Variants in ZNRF3 observed in about 807,000 individuals in gnomAD.
ZNRF3 encodes the protein zinc and ring finger 3, also known as E3 ubiquitin-protein ligase ZNRF3.
A neutral mutation model predicts 72.5 loss-of-function variants in ZNRF3; 23 were observed. The ratio of observed to expected loss-of-function variants is 0.32; its 90% confidence interval spans 0.23 to 0.45. The LOEUF (loss-of-function observed/expected upper bound fraction) is 0.45. Ranked by LOEUF, ZNRF3 falls within the 20% of genes least tolerant of loss-of-function variation. The pLI is 1.00. For missense variants in ZNRF3, 1,169 were observed against 1,272.1 expected (o/e 0.92, Z 1.23); for synonymous variants, 610 against 545.3 (o/e 1.12, Z -1.65).
At chr22:29,027,531 G>A (rs1378112564) in intron 2 of ZNRF3, among the ~76,000 whole-genome samples, 1 of 152,050 alleles carries the variant, frequency 6.6e-6, no homozygotes, top group Admixed American at 6.6e-5. Flanking sequence ...TTACAGGCGT[G>A]AGCCACCATG....
intron 2 of ZNRF3, among the ~76,000 whole-genome samples, chr22:29,002,012 C>T (rs1228386132): frequency 6.6e-6 from 1 of 152,198 alleles, no homozygotes; most frequent in Non-Finnish European, 1.5e-5. Flanking sequence ...AAGTGTTCCT[C>T]TCTCTTCATC....
chr22:28,947,332 A>C (rs375096617), intron 1 of ZNRF3, among the ~76,000 whole-genome samples: 14 of 152,286 alleles, frequency 9.2e-5, no homozygotes, highest in African/African-American at 3.4e-4. Context: ...GTTCATGTAC[A>C]GCTTATGGAC....
intron 1 of ZNRF3, among the ~76,000 whole-genome samples, chr22:28,910,335 C>T (rs570753951): frequency 3.1e-4 from 47 of 152,284 alleles, no homozygotes; most frequent in African/African-American, 1.1e-3. Context: ...GCCACCATGC[C>T]CAGCCTCTCC....
chr22:29,025,055 C>T (rs2036604858), intron 2 of ZNRF3: 1 of 147,702 alleles, frequency 6.8e-6, no homozygotes. Context: ...CATCTTCGCT[C>T]ACTACAACCT....
intron 1 of ZNRF3, among the ~76,000 whole-genome samples, chr22:28,984,168 T>TCA (rs2035814461): frequency 1.3e-5 from 2 of 152,188 alleles, no homozygotes; most frequent in Admixed American, 1.3e-4. Flanking sequence ...CATATAAAAT[T>TCA]CACCATTTTA....
chr22:28,912,171 A>G (rs891771147), intron 1 of ZNRF3, among the ~76,000 whole-genome samples: 3 of 152,224 alleles, frequency 2.0e-5, no homozygotes, highest in Admixed American at 6.5e-5. Context: ...TGGAATGTTT[A>G]AAGTAGAAAT....
chr22:28,938,569 A>G (rs763758842), intron 1 of ZNRF3, among the ~76,000 whole-genome samples: 22 of 152,160 alleles, frequency 1.4e-4, no homozygotes, highest in Non-Finnish European at 2.9e-4. Flanking sequence ...AAGTGAGCAA[A>G]AACTTTTGAC....
rs746478979 is a variant in ZNRF3, at chr22:29,042,546, G to C, written c.478G>C (p.Glu160Gln). The change falls in exon 3 of 9, where the codon GAA becomes CAA. Residue 160 changes from glutamate to glutamine, a missense_variant. Around this residue, in one of 2 missense-constraint regions of ZNRF3, gnomAD observed 386 missense variants for 540.7 expected, o/e 0.71. Transcript: ENST00000544604. ...TACTGCAGTCATCTTTGATGTGTCTGAAAACCCAGAAGCTATTGATCAGGT... is the reference window on the plus strand; with the variant it reads ...TACTGCAGTCATCTTTGATGTGTCTCAAAACCCAGAAGCTATTGATCAGGT... ...GATAVIFDVS[E>Q]NPEAIDQLNQ... 1 of 1,613,686 alleles carries C rather than the reference G, an allele frequency of 6.2e-7. No individual in the cohort carries two copies. Among genetic ancestry groups the C allele is most frequent in the Non-Finnish European group, 8.5e-7 (1 of 1,180,024 alleles).
chr22:28,895,787 G>A (rs1184973217), intron 1 of ZNRF3, among the ~76,000 whole-genome samples: 1 of 152,206 alleles, frequency 6.6e-6, no homozygotes, highest in Non-Finnish European at 1.5e-5. Context: ...GTTCTCGGGG[G>A]AGGGGTGGTC....
rs548136306 is a variant in ZNRF3, at chr22:28,967,004, T to TGA, written c.301-20070_301-20069dup. On this transcript the variant is annotated intron_variant, in intron 1 of 8. Transcript: ENST00000544604. ...AAGTGATTCTTCTGCCTCAGCCTCC[T>TGA]GAGTAGCTGGGATTACAGGTGCCTG... Among the ~76,000 whole-genome samples, 127 of 151,484 alleles carry TGA rather than the reference T, an allele frequency of 8.4e-4. 2 individuals carry two copies. The South Asian group carries it at 0.023, about 27-fold the overall frequency.
chr22:28,982,720 C>A (rs5762930), intron 1 of ZNRF3, among the ~76,000 whole-genome samples: 11,007 of 152,056 alleles, frequency 0.072, 921 homozygotes, highest in African/African-American at 0.21. Flanking sequence ...AGGTCAGTTC[C>A]CTAAGAATAT....
rs1290476198 is a variant in ZNRF3 at position 28,883,917 on chromosome 22, G to A, written c.151G>A (p.Gly51Ser). ...GCTGCTGCTGGCGGCCGCGGGGCCC[G>A]GCGCGGCGCGGGCCAAGGAGACGGC... ...LGLLLAAAGP[G>S]AARAKETAFV... Residue 51 changes from glycine to serine, a missense_variant, in exon 1 of 9, where the codon GGC (glycine) becomes AGC (serine). By Grantham distance (56) the Gly-to-Ser change is moderately conservative. This residue lies in a region of ZNRF3 where 386 missense variants were observed against 540.7 expected (regional missense o/e 0.71). Coordinates refer to ENST00000544604, the MANE Select transcript of ZNRF3 (RefSeq NM_001206998.2). The surrounding 1 kb of genome is among the most constrained non-coding windows in gnomAD (Gnocchi z 5.5). 1.3e-4 allele frequency: 152 copies of A among 1,173,882 alleles called. No individual in the cohort carries two copies. The highest frequency in any genetic ancestry group is 1.6e-4 in the Non-Finnish European group (149 of 935,310). The allele number at this position is 1,173,882 out of a possible 1,614,324, so 72.7% of individuals were successfully genotyped here. A position where few individuals can be genotyped will look rare whatever the true frequency, so the allele number is the denominator to read the frequency against.
chr22:28,962,736 A>G lies in ZNRF3; in HGVS notation c.301-24340A>G, dbSNP rs76949758. 4.2e-3 allele frequency among the ~76,000 whole-genome samples: 640 copies of G among 152,334 alleles called. 5 individuals carry two copies. Among genetic ancestry groups the G allele is most frequent in the Non-Finnish European group, 7.7e-3 (522 of 68,028 alleles). On this transcript the variant is annotated intron_variant, in intron 1 of 8. Transcript: ENST00000544604. ...AGCCCAAAAAGCTCCTATATGAAGG[A>G]ATGAGCTGCCATACTGATGCCTCCA...
chr22:28,931,758 A>G (rs945109144), intron 1 of ZNRF3, among the ~76,000 whole-genome samples: 3 of 152,262 alleles, frequency 2.0e-5, no homozygotes, highest in African/African-American at 7.2e-5. Flanking sequence ...TGTGGAGCCA[A>G]CATTGTACTA....
At chr22:29,007,915 C>G (rs1665376347) in intron 2 of ZNRF3, among the ~76,000 whole-genome samples, 1 of 151,850 alleles carries the variant, frequency 6.6e-6, no homozygotes, top group African/African-American at 2.4e-5. Flanking sequence ...CACAACCATG[C>G]CTGGCTAATT....
chr22:28,924,938 C>G (rs1456111535), intron 1 of ZNRF3, among the ~76,000 whole-genome samples: 1 of 152,018 alleles, frequency 6.6e-6, no homozygotes, highest in African/African-American at 2.4e-5. Context: ...AGGATCACCA[C>G]CACCCCTAGC....
At chr22:28,912,592 A>G (rs1601549772) in intron 1 of ZNRF3, among the ~76,000 whole-genome samples, 1 of 149,738 alleles carries the variant, frequency 6.7e-6, no homozygotes, top group South Asian at 2.1e-4. Context: ...GAGAATTGCC[A>G]CTCTCCAGTT....
At chr22:28,945,326 T>C (rs1395981220) in intron 1 of ZNRF3, among the ~76,000 whole-genome samples, 1 of 152,204 alleles carries the variant, frequency 6.6e-6, no homozygotes, top group Non-Finnish European at 1.5e-5. Context: ...TGTTTGAGGA[T>C]ACTTAATGTC....
intron 1 of ZNRF3, among the ~76,000 whole-genome samples, chr22:28,890,704 C>T (rs368280222): frequency 5.9e-5 from 9 of 151,856 alleles, no homozygotes; most frequent in African/African-American, 1.5e-4. Context: ...TCAGTATCAT[C>T]GTTAACCTAA....
Sources: allele counts gnomAD v4.1 joint callset (sites outside exome capture counted in the v4.1 genomes callset), GRCh38; gene constraint gnomAD v4.1.1; regional missense constraint gnomAD v4.1.1; non-coding constraint Gnocchi (gnomAD v3.1); transcripts MANE v1.5; gene names NCBI Gene and HGNC (gene_info 2026-07-23, HGNC 2026-07-21).